The following NRXN1 variants were observed in gnomAD, a reference collection of about 807,000 sequenced individuals.
NRXN1 encodes the protein neurexin-1.
Under a neutral mutation model 150.9 loss-of-function variants are expected in NRXN1, and 39 were observed. The observed-to-expected ratio is 0.26, with a 90% CI of 0.20 to 0.34. NRXN1 has a LOEUF of 0.34. Among genes scored for constraint, NRXN1 ranks in the 10% least tolerant of loss-of-function variants. NRXN1 has a pLI of 1.00. For synonymous variants in NRXN1, 924 were observed against 757.0 expected, an observed-to-expected ratio of 1.22 and a Z score of -3.62; for missense variants, 1,815 against 1,949.9, an observed-to-expected ratio of 0.93 and a Z score of 1.30.
intron 17 of NRXN1, among the ~76,000 whole-genome samples, chr2:50,265,097 G>T (rs1404288422): frequency 6.6e-6 from 1 of 152,048 alleles, no homozygotes; most frequent in Non-Finnish European, 1.5e-5. Flanking sequence ...TTTGATATGG[G>T]AGTTTAATAG....
At chr2:50,315,997 G>A (rs981883282) in intron 17 of NRXN1, among the ~76,000 whole-genome samples, 3 of 152,080 alleles carry the variant, frequency 2.0e-5, no homozygotes, top group African/African-American at 7.2e-5. Flanking sequence ...TGGGAAAGCA[G>A]TAAACGGCAT....
At chr2:50,937,480 T>C (rs925837080) in intron 2 of NRXN1, among the ~76,000 whole-genome samples, 8 of 152,176 alleles carry the variant, frequency 5.3e-5, no homozygotes, top group Non-Finnish European at 1.2e-4. Flanking sequence ...TCTTAAGTTG[T>C]ATTCTCACAC....
intron 18 of NRXN1, among the ~76,000 whole-genome samples, chr2:50,229,220 C>A (rs2064701519): frequency 6.6e-6 from 1 of 151,984 alleles, no homozygotes; most frequent in South Asian, 2.1e-4. Context: ...TGTAGAATCA[C>A]CATCATCATC....
chr2:50,128,334 A>G (rs1456242826), intron 18 of NRXN1, among the ~76,000 whole-genome samples: 1 of 152,210 alleles, frequency 6.6e-6, no homozygotes, highest in Non-Finnish European at 1.5e-5. Flanking sequence ...TCTTGAGTCC[A>G]TAGTATTATA....
At position 49,946,855 on chromosome 2, in the gene NRXN1, C is replaced by T. The variant is rs562315004; in HGVS notation, c.4129-3064G>A. On this transcript the variant is annotated intron_variant, in intron 21 of 22. Coordinates refer to ENST00000401669, the MANE Select transcript of NRXN1 (RefSeq NM_001330078.2). ...TAACCAAAACAGCCTGGTACCAGTACCAAAACAGATATATAGACCAATGGA... is the reference window on the plus strand; with the variant it reads ...TAACCAAAACAGCCTGGTACCAGTATCAAAACAGATATATAGACCAATGGA... Among the ~76,000 whole-genome samples, 7 of 152,196 alleles carry T rather than the reference C, an allele frequency of 4.6e-5. No individual in the cohort carries two copies. The East Asian group carries it at 9.6e-4, about 21-fold the overall frequency.
intron 5 of NRXN1, among the ~76,000 whole-genome samples, chr2:50,882,983 G>A (rs1216998352): frequency 1.3e-5 from 2 of 151,680 alleles, no homozygotes; most frequent in African/African-American, 4.8e-5. Context: ...TTTGGTAACA[G>A]ACAACTGTCA....
chr2:50,416,399 G>A lies in NRXN1; in HGVS notation c.3364+49043C>T, dbSNP rs1390238195. The stretch of plus-strand genomic sequence containing the variant: ...CCTCTGTACCTACCTTAAGCTTTGT[G>A]TTCCCTCTACCAGTCCCAGGTGACC... On this transcript the variant is annotated intron_variant, in intron 17 of 22. Coordinates refer to ENST00000401669, the MANE Select transcript of NRXN1 (RefSeq NM_001330078.2). Among the ~76,000 whole-genome samples, 11 of 152,040 alleles carry A rather than the reference G, an allele frequency of 7.2e-5. 1 individual carries two copies. In the South Asian group the frequency reaches 2.3e-3, roughly 32 times the overall value.
intron 8 of NRXN1, chr2:50,615,267 T>C (rs1007391887): frequency 6.6e-6 from 1 of 152,176 alleles, no homozygotes; most frequent in African/African-American, 2.4e-5. Context: ...GGCAGCATTC[T>C]AAGTTACCTC....
chr2:50,930,440 G>A (rs907244472), intron 2 of NRXN1, among the ~76,000 whole-genome samples: 3 of 152,190 alleles, frequency 2.0e-5, no homozygotes, highest in Admixed American at 6.6e-5. Context: ...AAGTTATTGC[G>A]ATTTATAGTG....
intron 18 of NRXN1, among the ~76,000 whole-genome samples, chr2:50,219,910 TAA>T (rs200034410): frequency 0.02 from 1,574 of 77,654 alleles, 100 homozygotes; most frequent in African/African-American, 0.081. Context: ...CATATATATA[TAA>T]AATCTCTCTC....
At chr2:50,575,770 T>G (rs1030789921) in intron 8 of NRXN1, among the ~76,000 whole-genome samples, 1 of 152,204 alleles carries the variant, frequency 6.6e-6, no homozygotes, top group Non-Finnish European at 1.5e-5. Flanking sequence ...GTAGAAAGTG[T>G]TCAATAAATG....
chr2:50,079,716 ATC>A (rs1464310445), intron 19 of NRXN1, among the ~76,000 whole-genome samples: 2 of 152,116 alleles, frequency 1.3e-5, no homozygotes, highest in Non-Finnish European at 2.9e-5. Context: ...AAAATACTAA[ATC>A]ATACAGAATA....
chr2:50,390,192 T>A (rs756702179), intron 17 of NRXN1, among the ~76,000 whole-genome samples: 1 of 152,166 alleles, frequency 6.6e-6, no homozygotes. Flanking sequence ...TAATAAGTTA[T>A]AGGTTTGCCT....
intron 5 of NRXN1, among the ~76,000 whole-genome samples, chr2:50,677,226 G>A (rs1203357911): frequency 6.7e-6 from 1 of 149,312 alleles, no homozygotes; most frequent in East Asian, 2.1e-4. Flanking sequence ...TTCCCAAAGT[G>A]TTTTTTGTTC....
intron 5 of NRXN1, among the ~76,000 whole-genome samples, chr2:50,771,417 A>G (rs548355004): frequency 1.3e-5 from 2 of 152,248 alleles, no homozygotes; most frequent in East Asian, 1.9e-4. Flanking sequence ...AACACATGAT[A>G]CTTTTTATAA....
intron 21 of NRXN1, among the ~76,000 whole-genome samples, chr2:50,028,876 A>T (rs1161324846): frequency 3.3e-5 from 5 of 152,238 alleles, no homozygotes; most frequent in Non-Finnish European, 5.9e-5. Flanking sequence ...TTAACATGTA[A>T]TTAGGTGAAC....
chr2:50,565,013 C>A (rs1031952709), intron 8 of NRXN1, among the ~76,000 whole-genome samples: 1 of 152,116 alleles, frequency 6.6e-6, no homozygotes, highest in South Asian at 2.1e-4. Context: ...GCTCAATCAG[C>A]TCCCAGGCAG....
intron 5 of NRXN1, among the ~76,000 whole-genome samples, chr2:50,913,329 C>A (rs1220953994): frequency 1.3e-5 from 2 of 151,738 alleles, no homozygotes; most frequent in African/African-American, 4.8e-5. Flanking sequence ...TTCCATCCCT[C>A]TAGCAGCAGT....
At chr2:50,934,503 A>G (rs918973095) in intron 2 of NRXN1, among the ~76,000 whole-genome samples, 1 of 152,148 alleles carries the variant, frequency 6.6e-6, no homozygotes, top group Non-Finnish European at 1.5e-5. Flanking sequence ...AAGTAAAATT[A>G]AAATTTCAGT....
Sources: gnomAD v4.1 joint callset for allele counts (sites outside exome capture counted in the v4.1 genomes callset) on GRCh38, gnomAD v4.1.1 for gene constraint, MANE v1.5 for transcripts, NCBI Gene and HGNC (gene_info 2026-07-23, HGNC 2026-07-21) for gene names.